The following LRCH1 variants were observed in gnomAD, a reference collection of about 807,000 sequenced individuals.
The protein encoded by LRCH1 is leucine rich repeats and calponin homology domain containing 1.
In LRCH1, 23 loss-of-function variants were observed where a neutral mutation model predicts 94.9. The observed-to-expected ratio is 0.24, with a 90% CI of 0.17 to 0.34. The LOEUF is 0.34. LRCH1 is among the 10% of genes least tolerant of loss of function. The pLI is 1.00. For missense variants in LRCH1, 790 were observed against 945.9 expected (o/e 0.84, Z 2.16); for synonymous variants, 364 against 354.9 (o/e 1.03, Z -0.29).
At chr13:46,666,002 G>A (rs2051510342) in intron 2 of LRCH1, among the ~76,000 whole-genome samples, 1 of 152,062 alleles carries the variant, frequency 6.6e-6, no homozygotes, top group Admixed American at 6.6e-5. Flanking sequence ...TTTCTATTGG[G>A]GAAATTACAA....
At chr13:46,562,824 C>A (rs1346483885) in intron 1 of LRCH1, among the ~76,000 whole-genome samples, 1 of 152,166 alleles carries the variant, frequency 6.6e-6, no homozygotes, top group Non-Finnish European at 1.5e-5. Flanking sequence ...ACTAGCTACA[C>A]CTGCATCCAC....
downstream of LRCH1, among the ~76,000 whole-genome samples, chr13:46,748,277 ATT>A (rs202046957): frequency 0.018 from 2,577 of 143,656 alleles, 77 homozygotes; most frequent in African/African-American, 0.059. Context: ...GGTGTTGTAG[ATT>A]TTTTTTTTTT....
chr13:46,713,811 T>C (rs1872190196), intron 15 of LRCH1, among the ~76,000 whole-genome samples: 1 of 152,162 alleles, frequency 6.6e-6, no homozygotes, highest in African/African-American at 2.4e-5. Context: ...CAGGCACACC[T>C]CATCTGTGCC....
intron 1 of LRCH1, among the ~76,000 whole-genome samples, chr13:46,593,089 AC>A (rs2050518458): frequency 6.6e-6 from 1 of 151,710 alleles, no homozygotes; most frequent in Non-Finnish European, 1.5e-5. Context: ...CCTTTGGATT[AC>A]TAGCCCTGTA....
chr13:46,594,238 T>G (rs1248639838), intron 1 of LRCH1, among the ~76,000 whole-genome samples: 1 of 141,444 alleles, frequency 7.1e-6, no homozygotes. Flanking sequence ...TCTTTTAATC[T>G]CAGTGAAAAA....
intron 13 of LRCH1, chr13:46,705,675 A>G (rs1257201764): frequency 2.6e-6 from 1 of 378,236 alleles, no homozygotes; most frequent in Non-Finnish European, 5.0e-6. Flanking sequence ...AGGTCTGGGA[A>G]TTGGCCAGAT....
At chr13:46,591,534 G>A (rs910664755) in intron 1 of LRCH1, among the ~76,000 whole-genome samples, 1 of 152,130 alleles carries the variant, frequency 6.6e-6, no homozygotes, top group African/African-American at 2.4e-5. Context: ...TTTACTTTAG[G>A]TATCATTTAT....
chr13:46,746,699 A>C (rs772710852), downstream of LRCH1, among the ~76,000 whole-genome samples: 1 of 152,198 alleles, frequency 6.6e-6, no homozygotes, highest in Non-Finnish European at 1.5e-5. Flanking sequence ...TGGAAGGGCC[A>C]CTTTACCTGC....
intron 16 of LRCH1, among the ~76,000 whole-genome samples, chr13:46,722,610 CA>C (rs1872634703): frequency 6.6e-6 from 1 of 152,176 alleles, no homozygotes; most frequent in Non-Finnish European, 1.5e-5. Flanking sequence ...ATGAGCCCTT[CA>C]GCTACTTCCA....
At chr13:46,657,064 T>C (rs2051377943) in intron 2 of LRCH1, among the ~76,000 whole-genome samples, 1 of 152,226 alleles carries the variant, frequency 6.6e-6, no homozygotes, top group Non-Finnish European at 1.5e-5. Flanking sequence ...TTGGTTTTGT[T>C]TTCAGTTCTG....
chr13:46,735,792 TC>T (rs10598893), intron 19 of LRCH1, among the ~76,000 whole-genome samples: 82,450 of 104,788 alleles, frequency 0.79, 31,358 homozygotes, highest in Admixed American at 0.85. Context: ...CTTTTTCTTT[TC>T]TTTTTTTTTT....
At chr13:46,615,527 C>T (rs934435956) in intron 1 of LRCH1, among the ~76,000 whole-genome samples, 1 of 152,174 alleles carries the variant, frequency 6.6e-6, no homozygotes, top group African/African-American at 2.4e-5. Flanking sequence ...AACCTCCAAA[C>T]CTCATCACAT....
At chr13:46,728,566 C>A (rs1440836396) in intron 17 of LRCH1, among the ~76,000 whole-genome samples, 1 of 152,190 alleles carries the variant, frequency 6.6e-6, no homozygotes, top group Non-Finnish European at 1.5e-5. Context: ...ACTGCCTGAA[C>A]CAGTCAGATT....
At chr13:46,715,196 C>A (rs76755384) in intron 15 of LRCH1, among the ~76,000 whole-genome samples, 1,762 of 152,212 alleles carry the variant, frequency 0.012, 21 homozygotes, top group African/African-American at 0.04. Context: ...CTTTGAGGAA[C>A]GTATCTGGCA....
At chr13:46,618,298 A>G (rs1182491652) in intron 1 of LRCH1, among the ~76,000 whole-genome samples, 1 of 152,220 alleles carries the variant, frequency 6.6e-6, no homozygotes, top group Non-Finnish European at 1.5e-5. Flanking sequence ...GCATATCTAG[A>G]CATAGAAAAG....
chr13:46,744,976 G>T, downstream of LRCH1: 1 of 883,062 alleles, frequency 1.1e-6, no homozygotes, highest in Non-Finnish European at 1.4e-6. Context: ...GTTCATTTTT[G>T]TGTTCATTCC....
At chr13:46,729,353 G>A (rs1300234454) in intron 18 of LRCH1, among the ~76,000 whole-genome samples, 1 of 151,810 alleles carries the variant, frequency 6.6e-6, no homozygotes, top group African/African-American at 2.4e-5. Context: ...TGTAGAGACG[G>A]GGTTCTAAAA....
At position 46,734,274 on chromosome 13, in the gene LRCH1, G is replaced by A. The variant is rs564821054; in HGVS notation, c.2085+276G>A. Among the ~76,000 whole-genome samples, 19 of 152,188 alleles carry A rather than the reference G, an allele frequency of 1.2e-4. No individual in the cohort carries two copies. The South Asian group carries it at 3.3e-3, about 27-fold the overall frequency. On this transcript the variant is annotated intron_variant, in intron 19 of 19. Transcript: ENST00000389797. ...CAGACTTGAAAAAAAATTTTAATCC[G>A]CTTGATTCTCCAAGAGCAGAAATTG... is the stretch of plus-strand genomic sequence containing the variant.
chr13:46,633,999 C>A (rs903905752), intron 1 of LRCH1, among the ~76,000 whole-genome samples: 2 of 151,840 alleles, frequency 1.3e-5, no homozygotes, highest in Non-Finnish European at 2.9e-5. Context: ...CCTGCCTCAG[C>A]CTCCTGAGTA....
Sources: allele counts gnomAD v4.1 joint callset (sites outside exome capture counted in the v4.1 genomes callset), GRCh38; gene constraint gnomAD v4.1.1; transcripts MANE v1.5; gene names NCBI Gene and HGNC (gene_info 2026-07-23, HGNC 2026-07-21).